Variants in ABTB3 observed in about 807,000 individuals in gnomAD.
ABTB3 encodes ankyrin repeat and BTB domain containing 3.
the ABTB3 span, among the ~76,000 whole-genome samples, chr12:107,629,404 C>A: frequency 6.6e-6 from 1 of 152,124 alleles, no homozygotes; most frequent in Non-Finnish European, 1.5e-5. Context: ...GCCTGGGCAA[C>A]AGGGAGAGAC....
chr12:107,563,976 T>C, the ABTB3 span, among the ~76,000 whole-genome samples: 1 of 152,162 alleles, frequency 6.6e-6, no homozygotes, highest in East Asian at 1.9e-4. Context: ...AGTGCATTTA[T>C]CCTGGCAGCA....
the ABTB3 span, among the ~76,000 whole-genome samples, chr12:107,561,645 T>C: frequency 4.8e-4 from 73 of 152,292 alleles, no homozygotes; most frequent in Middle Eastern, 3.4e-3. Flanking sequence ...GTGTCCTCCA[T>C]AAAACTCAAC....
chr12:107,486,219 C>A, the ABTB3 span, among the ~76,000 whole-genome samples: 1 of 152,104 alleles, frequency 6.6e-6, no homozygotes, highest in Non-Finnish European at 1.5e-5. Context: ...AGATTAGTTT[C>A]TTTGAGCCCC....
the ABTB3 span, among the ~76,000 whole-genome samples, chr12:107,452,482 A>G: frequency 6.6e-6 from 1 of 152,128 alleles, no homozygotes; most frequent in African/African-American, 2.4e-5. Flanking sequence ...CTGGGATTAC[A>G]GGCTTGAGCC....
chr12:107,437,537 C>CCTAGT, the ABTB3 span, among the ~76,000 whole-genome samples: 1 of 152,088 alleles, frequency 6.6e-6, no homozygotes, highest in African/African-American at 2.4e-5. Flanking sequence ...GCTGGGATTA[C>CCTAGT]AGGTGTATGC....
chr12:107,617,446 G>A, the ABTB3 span: 1 of 1,613,740 alleles, frequency 6.2e-7, no homozygotes, highest in East Asian at 2.2e-5. Flanking sequence ...GGTAGGCTAG[G>A]ATGGGCCAAA....
chr12:107,548,786 C>A, the ABTB3 span, among the ~76,000 whole-genome samples: 4 of 152,116 alleles, frequency 2.6e-5, no homozygotes, highest in Non-Finnish European at 4.4e-5. Flanking sequence ...AAAGAATCAT[C>A]CTAAATCTAG....
chr12:107,544,239 C>T, the ABTB3 span: 1 of 1,279,236 alleles, frequency 7.8e-7, no homozygotes, highest in Non-Finnish European at 1.1e-6. Context: ...AAAGGACTCA[C>T]TTCCTAAAAC....
At chr12:107,659,183 C>A in the ABTB3 span, 91 of 152,296 alleles carry the variant, frequency 6.0e-4, no homozygotes, top group African/African-American at 2.1e-3. Context: ...TTGTGAAGGA[C>A]CCACTGTTCT....
chr12:107,457,688 A>G, the ABTB3 span, among the ~76,000 whole-genome samples: 1 of 152,230 alleles, frequency 6.6e-6, no homozygotes, highest in Non-Finnish European at 1.5e-5. Flanking sequence ...GATAAAAAGC[A>G]GCACTGTCAC....
the ABTB3 span, among the ~76,000 whole-genome samples, chr12:107,577,505 G>A: frequency 6.6e-6 from 1 of 152,034 alleles, no homozygotes; most frequent in Non-Finnish European, 1.5e-5. Context: ...TCAGAGAAAG[G>A]CCATGTCCGT....
chr12:107,402,944 G>T, the ABTB3 span, among the ~76,000 whole-genome samples: 13 of 152,244 alleles, frequency 8.5e-5, no homozygotes, highest in East Asian at 2.1e-3. Context: ...CCACCCCCAG[G>T]CTGTGCTATT....
the ABTB3 span, among the ~76,000 whole-genome samples, chr12:107,416,710 G>C: frequency 6.6e-6 from 1 of 152,142 alleles, no homozygotes; most frequent in Non-Finnish European, 1.5e-5. Flanking sequence ...ACCCAGGCTA[G>C]AGTGCAGTGG....
At chr12:107,505,456 A>C in the ABTB3 span, among the ~76,000 whole-genome samples, 1 of 152,148 alleles carries the variant, frequency 6.6e-6, no homozygotes, top group Admixed American at 6.6e-5. Context: ...ACACATGATG[A>C]AGTGGAATTA....
At chr12:107,413,212 T>C in the ABTB3 span, among the ~76,000 whole-genome samples, 1 of 152,014 alleles carries the variant, frequency 6.6e-6, no homozygotes, top group South Asian at 2.1e-4. Context: ...AGGCGGAGCT[T>C]GCAGTGAGCC....
the ABTB3 span, among the ~76,000 whole-genome samples, chr12:107,411,093 A>C: frequency 2.6e-5 from 4 of 152,202 alleles, no homozygotes; most frequent in African/African-American, 7.2e-5. Flanking sequence ...TGAGGTCAGG[A>C]TTTTGAGACC....
the ABTB3 span, among the ~76,000 whole-genome samples, chr12:107,421,575 A>G: frequency 1.3e-5 from 2 of 152,264 alleles, no homozygotes; most frequent in Non-Finnish European, 1.5e-5. Context: ...AAAGGAAATC[A>G]TGCATTTCTA....
the ABTB3 span, among the ~76,000 whole-genome samples, chr12:107,594,150 A>G: frequency 6.6e-6 from 1 of 152,206 alleles, no homozygotes; most frequent in African/African-American, 2.4e-5. Context: ...TGACTCTTTG[A>G]ACATAAGCCA....
the ABTB3 span, among the ~76,000 whole-genome samples, chr12:107,437,866 A>G: frequency 1.5e-3 from 225 of 152,214 alleles, no homozygotes; most frequent in Non-Finnish European, 2.5e-3. Context: ...GGATGTGGAC[A>G]TATTGTTTTT....
Sources: gnomAD v4.1 joint callset for allele counts (sites outside exome capture counted in the v4.1 genomes callset) on GRCh38, gnomAD v4.1.1 for gene constraint, MANE v1.5 for transcripts, NCBI Gene and HGNC (gene_info 2026-07-23, HGNC 2026-07-21) for gene names.